Variants in TNIK observed in about 807,000 individuals in gnomAD.
TNIK encodes TRAF2 and NCK interacting kinase.
In TNIK, 49 loss-of-function variants were observed where a neutral mutation model predicts 191.3. The ratio of observed to expected loss-of-function variants is 0.26; its 90% CI spans 0.20 to 0.32. The LOEUF (loss-of-function observed/expected upper bound fraction) is 0.32, where lower values mean the gene tolerates loss of function less well. Among genes scored for constraint, TNIK ranks in the 10% least tolerant of loss-of-function variants. The probability of loss-of-function intolerance (pLI) is 1.00; values close to 1 mark genes in which losing one functional copy is unlikely to be tolerated. For synonymous variants in TNIK, 594 were observed against 600.9 expected (o/e 0.99, Z 0.17); for missense variants, 1,155 against 1,702.3 (o/e 0.68, Z 5.66).
intron 1 of TNIK, among the ~76,000 whole-genome samples, chr3:171,377,053 C>T (rs1717361125): frequency 1.3e-5 from 2 of 152,174 alleles, no homozygotes; most frequent in Non-Finnish European, 2.9e-5. Context: ...TAGGTAACTC[C>T]CCAGCTCCCT....
At chr3:171,299,281 G>C (rs1752647803) in intron 2 of TNIK, among the ~76,000 whole-genome samples, 1 of 152,190 alleles carries the variant, frequency 6.6e-6, no homozygotes, top group Non-Finnish European at 1.5e-5. Context: ...TGACCCACCT[G>C]TCATGCCACC....
At chr3:171,077,372 TC>T (rs1223030149) in intron 28 of TNIK, among the ~76,000 whole-genome samples, 1 of 152,186 alleles carries the variant, frequency 6.6e-6, no homozygotes, top group Admixed American at 6.5e-5. Flanking sequence ...AACACATCCT[TC>T]AGTTGCTTCC....
intron 28 of TNIK, among the ~76,000 whole-genome samples, chr3:171,073,995 A>C (rs1046660487): frequency 4.6e-5 from 7 of 151,910 alleles, no homozygotes; most frequent in Non-Finnish European, 1.0e-4. Context: ...TCTACCTAGC[A>C]GTCCCACTTC....
chr3:171,092,844 T>A (rs1288517414), intron 23 of TNIK, among the ~76,000 whole-genome samples: 1 of 152,230 alleles, frequency 6.6e-6, no homozygotes, highest in African/African-American at 2.4e-5. Flanking sequence ...TTCCCAACTC[T>A]GTCCTGGCTG....
chr3:171,173,395 CAAA>C (rs57114753), intron 9 of TNIK, among the ~76,000 whole-genome samples: 10 of 120,694 alleles, frequency 8.3e-5, no homozygotes, highest in Non-Finnish European at 1.2e-4. Flanking sequence ...GACTCCGTCT[CAAA>C]AAAAAAAAAA....
At chr3:171,271,808 T>A (rs35666324) in intron 2 of TNIK, among the ~76,000 whole-genome samples, 20,203 of 152,180 alleles carry the variant, frequency 0.13, 1,773 homozygotes, top group Non-Finnish European at 0.18. Flanking sequence ...TTAATTGACA[T>A]GTAAGATGCT....
chr3:171,350,308 A>G (rs527816210), intron 2 of TNIK, among the ~76,000 whole-genome samples: 16 of 152,298 alleles, frequency 1.1e-4, no homozygotes, highest in African/African-American at 3.8e-4. Context: ...CCTGGTAGCC[A>G]ATCCGTATTT....
chr3:171,272,503 G>A (rs1749234252), intron 2 of TNIK, among the ~76,000 whole-genome samples: 1 of 152,134 alleles, frequency 6.6e-6, no homozygotes, highest in African/African-American at 2.4e-5. Context: ...TTTTGATGCT[G>A]TCCCATAAAT....
At chr3:171,341,490 A>C (rs1757519297) in intron 2 of TNIK, among the ~76,000 whole-genome samples, 1 of 46,464 alleles carries the variant, frequency 2.2e-5, no homozygotes, top group African/African-American at 9.9e-5. Context: ...AAAAAAAAAA[A>C]AAAAAAAAAA....
intron 18 of TNIK, among the ~76,000 whole-genome samples, chr3:171,113,475 A>G (rs1726178705): frequency 6.6e-6 from 1 of 152,012 alleles, no homozygotes; most frequent in Non-Finnish European, 1.5e-5. Context: ...GCGTGGTGGC[A>G]GGTGCCTGTA....
In TNIK at chr3:171,060,902, G is replaced by A. The variant is rs1717755644; in HGVS notation, c.*2979C>T. ...AGAGCAGTAAGAACTGGCAGATCTA[G>A]TGAAACTTACTCTGAGGGGAGGGCT... On this transcript the variant is annotated 3_prime_UTR_variant, in exon 33 of 33. Transcript: ENST00000436636. Among the ~76,000 whole-genome samples the A allele has an allele frequency of 6.6e-6, 1 of 152,132 alleles. No individual in the cohort carries two copies. Among genetic ancestry groups the A allele is most frequent in the Admixed American group, 6.6e-5 (1 of 15,262 alleles).
chr3:171,114,260 C>T (rs937259567), intron 18 of TNIK, among the ~76,000 whole-genome samples: 3 of 152,090 alleles, frequency 2.0e-5, no homozygotes. Context: ...AGTTATCATA[C>T]AGCTATGATT....
At chr3:171,083,253 G>GT (rs762343150) in intron 26 of TNIK, among the ~76,000 whole-genome samples, 122 of 152,280 alleles carry the variant, frequency 8.0e-4, no homozygotes, top group Non-Finnish European at 1.4e-3. Context: ...ACAAATGTCT[G>GT]CTTTTTTGTC....
intron 9 of TNIK, among the ~76,000 whole-genome samples, chr3:171,169,706 ACAGT>A (rs1248770930): frequency 9.2e-5 from 14 of 152,352 alleles, no homozygotes; most frequent in Admixed American, 9.1e-4. Flanking sequence ...ATCTAAAATA[ACAGT>A]CAGAGAAATC....
intron 2 of TNIK, among the ~76,000 whole-genome samples, chr3:171,279,342 T>A (rs1433314245): frequency 6.6e-6 from 1 of 152,238 alleles, no homozygotes; most frequent in Admixed American, 6.5e-5. Context: ...TAAAATTCTA[T>A]ATATTTTTAA....
intron 7 of TNIK, among the ~76,000 whole-genome samples, chr3:171,180,788 G>A (rs1736555796): frequency 6.6e-6 from 1 of 152,160 alleles, no homozygotes; most frequent in South Asian, 2.1e-4. Flanking sequence ...ACAATCTAAG[G>A]ACTTGAGTAT....
At chr3:171,441,622 G>T (rs571711142) in intron 1 of TNIK, among the ~76,000 whole-genome samples, 1 of 152,280 alleles carries the variant, frequency 6.6e-6, no homozygotes, top group Admixed American at 6.5e-5. Context: ...GAACACTCCT[G>T]TACAAGTTTC....
chr3:171,234,888 T>C (rs1421041745), intron 2 of TNIK, among the ~76,000 whole-genome samples: 2 of 152,164 alleles, frequency 1.3e-5, no homozygotes, highest in African/African-American at 4.8e-5. Flanking sequence ...GGCCAGGGCC[T>C]TGCGCCAAGA....
At chr3:171,138,467 G>A in intron 14 of TNIK, 88 bp from the exon 15 acceptor site, 1 of 1,185,944 alleles carries the variant, frequency 8.4e-7, no homozygotes, top group South Asian at 1.9e-5. Context: ...TGCAATGGAG[G>A]CAAAATAATG....
Sources: gnomAD v4.1 joint callset for allele counts (sites outside exome capture counted in the v4.1 genomes callset) on GRCh38, gnomAD v4.1.1 for gene constraint, MANE v1.5 for transcripts, NCBI Gene and HGNC (gene_info 2026-07-23, HGNC 2026-07-21) for gene names.